Variants in POLA1 observed in about 807,000 individuals in gnomAD.
POLA1 encodes the protein DNA polymerase alpha catalytic subunit.
A neutral mutation model predicts 124.0 loss-of-function variants in POLA1; 15 were observed. The ratio of observed to expected loss-of-function variants is 0.12; its 90% CI spans 0.08 to 0.19. The LOEUF is 0.19. Among genes scored for constraint, POLA1 ranks in the 10% least tolerant of loss-of-function variants. The pLI, the probability that POLA1 is intolerant of heterozygous loss-of-function variation, is 1.00. For synonymous variants in POLA1, 408 were observed against 389.4 expected (o/e 1.05, Z -0.56); for missense variants, 886 against 1,103.4 (o/e 0.80, Z 2.79).
chrX:24,907,013 C>T (rs1405777432), intron 35 of POLA1, among the ~76,000 whole-genome samples: 2 of 111,029 alleles, frequency 1.8e-5, no homozygotes, highest in Non-Finnish European at 3.8e-5. Flanking sequence ...CATGGTGAAA[C>T]CCCATCTGTA....
In POLA1 at chrX:24,757,823, A is replaced by G. The variant is rs139961161; in HGVS notation, c.2964+8831A>G. On this transcript the variant is annotated intron_variant, in intron 26 of 36. Transcript: ENST00000379068. ...TGTATTTCAGATTTTTGAATTAGGG[A>G]TGCTCATCCAGTATAATGTAAATAT... Among the ~76,000 whole-genome samples, 372 of 111,604 alleles carry G rather than the reference A, an allele frequency of 3.3e-3. 3 individuals carry two copies. Among genetic ancestry groups the G allele is most frequent in the African/African-American group, 0.011 (339 of 30,598 alleles).
chrX:24,826,047 T>G (rs2046165777), intron 31 of POLA1, among the ~76,000 whole-genome samples: 1 of 112,307 alleles, frequency 8.9e-6, no homozygotes, highest in Non-Finnish European at 1.9e-5. Flanking sequence ...GTTTTTAAAT[T>G]ATCACTCCTT....
intron 26 of POLA1, chrX:24,775,281 C>T (rs1436238050): frequency 9.0e-6 from 1 of 111,538 alleles, no homozygotes; most frequent in Non-Finnish European, 1.9e-5. Context: ...GTGTCTATAG[C>T]TTGTGGTACA....
At chrX:24,893,644 G>A (rs1390085469) in intron 35 of POLA1, among the ~76,000 whole-genome samples, 1 of 111,674 alleles carries the variant, frequency 9.0e-6, no homozygotes, top group East Asian at 2.8e-4. Flanking sequence ...GAAATTATAC[G>A]ATATGTAACC....
chrX:24,859,563 A>G (rs1035168396), intron 34 of POLA1, among the ~76,000 whole-genome samples: 3 of 112,495 alleles, frequency 2.7e-5, no homozygotes, highest in African/African-American at 9.7e-5. Flanking sequence ...TGTTTTCTGC[A>G]TGCTCTCATA....
At chrX:24,966,699 T>A (rs1223127031) in intron 36 of POLA1, among the ~76,000 whole-genome samples, 2 of 111,824 alleles carry the variant, frequency 1.8e-5, no homozygotes, top group Non-Finnish European at 3.8e-5. Flanking sequence ...TCAGTGGTAG[T>A]GTATATAAAG....
chrX:24,753,338 T>C (rs1932424061), intron 26 of POLA1, among the ~76,000 whole-genome samples: 1 of 102,171 alleles, frequency 9.8e-6, no homozygotes, highest in African/African-American at 3.6e-5. Flanking sequence ...TATTTTATTT[T>C]ATTTTATTTT....
chrX:24,776,053 T>C (rs1023748571), intron 26 of POLA1, among the ~76,000 whole-genome samples: 2 of 112,058 alleles, frequency 1.8e-5, no homozygotes, highest in Non-Finnish European at 3.8e-5. Flanking sequence ...TGAATCATTA[T>C]GTAAGAAAAT....
chrX:24,729,514 AAAATT>A (rs1280828473), intron 15 of POLA1, among the ~76,000 whole-genome samples: 1 of 112,029 alleles, frequency 8.9e-6, no homozygotes, highest in Non-Finnish European at 1.9e-5. Context: ...ATTTTTCTAT[AAAATT>A]AAATTTTTTT....
At position 24,790,905 on chromosome X, in the gene POLA1, G is replaced by GTATA. The variant is rs1224793451; in HGVS notation, c.2965-18991_2965-18988dup. Among the ~76,000 whole-genome samples the GTATA allele has an allele frequency of 1.6e-3, 99 of 63,545 alleles. 1 individual carries two copies. Among genetic ancestry groups the GTATA allele is most frequent in the African/African-American group, 6.5e-3 (97 of 14,917 alleles). The allele number at this position is 63,545 out of a possible 115,157, so 55.2% of individuals were successfully genotyped here. ...ATACAGCCCCCACTCATTTATTTAT[G>GTATA]TATATGTATATATATATATATATAT... On this transcript the variant is annotated intron_variant, in intron 26 of 36. Transcript: ENST00000379068.
intron 36 of POLA1, among the ~76,000 whole-genome samples, chrX:24,954,382 G>C (rs1353776719): frequency 2.7e-5 from 3 of 112,220 alleles, no homozygotes; most frequent in East Asian, 5.5e-4. Flanking sequence ...TTGCTTTTCT[G>C]TGTTTTTGTG....
At chrX:24,777,425 T>C (rs924073884) in intron 26 of POLA1, among the ~76,000 whole-genome samples, 1 of 112,707 alleles carries the variant, frequency 8.9e-6, no homozygotes, top group Non-Finnish European at 1.9e-5. Flanking sequence ...TTAAATGTTC[T>C]TGTTAAGGCA....
chrX:24,853,464 C>T (rs1601805996), intron 34 of POLA1, among the ~76,000 whole-genome samples: 1 of 111,987 alleles, frequency 8.9e-6, no homozygotes, highest in African/African-American at 3.2e-5. Flanking sequence ...GATTTTGTAA[C>T]ATCATGCCTT....
chrX:24,705,540 C>G (rs1204962387), intron 4 of POLA1, among the ~76,000 whole-genome samples: 3 of 111,666 alleles, frequency 2.7e-5, no homozygotes, highest in Non-Finnish European at 3.8e-5. Context: ...GACTACTTAA[C>G]CACAATAACA....
chrX:24,748,847 C>T, intron 25 of POLA1, 23 bp from the exon 26 acceptor site: 1 of 1,203,863 alleles, frequency 8.3e-7, no homozygotes, highest in Non-Finnish European at 1.1e-6. Context: ...TGTTGTTTGT[C>T]TTTTGTTCTG....
intron 35 of POLA1, among the ~76,000 whole-genome samples, chrX:24,910,174 A>G (rs374108697): frequency 8.0e-5 from 8 of 100,587 alleles, no homozygotes; most frequent in African/African-American, 1.1e-4. Flanking sequence ...CAATCATGTC[A>G]TCTGCAAACA....
At chrX:24,810,225 A>AT (rs55720216) in intron 27 of POLA1, among the ~76,000 whole-genome samples, 117 of 110,618 alleles carry the variant, frequency 1.1e-3, no homozygotes, top group African/African-American at 3.6e-3. Flanking sequence ...GTTATGATTG[A>AT]TTTTTTTTGG....
At chrX:24,959,897 G>C (rs1453641793) in intron 36 of POLA1, among the ~76,000 whole-genome samples, 1 of 111,031 alleles carries the variant, frequency 9.0e-6, no homozygotes, top group Non-Finnish European at 1.9e-5. Flanking sequence ...ATTTCTACTG[G>C]GCCGCACTGT....
intron 35 of POLA1, among the ~76,000 whole-genome samples, chrX:24,899,254 C>A (rs2047243153): frequency 9.0e-6 from 1 of 111,321 alleles, no homozygotes; most frequent in African/African-American, 3.3e-5. Context: ...TTCTGTTTTC[C>A]AAGGGTAAAA....
Sources: gnomAD v4.1 joint callset for allele counts (sites outside exome capture counted in the v4.1 genomes callset) on GRCh38, gnomAD v4.1.1 for gene constraint, MANE v1.5 for transcripts, NCBI Gene and HGNC (gene_info 2026-07-23, HGNC 2026-07-21) for gene names.